The following ZNF475 variants were observed in gnomAD, a reference collection of about 807,000 sequenced individuals.
ZNF475 encodes the protein zinc finger protein 475.
At chr5:122,172,397 G>A in the ZNF475 span, among the ~76,000 whole-genome samples, 2 of 152,138 alleles carry the variant, frequency 1.3e-5, no homozygotes, top group African/African-American at 4.8e-5. Context: ...AGTGCCAAAT[G>A]GCCCCTTTAA....
the ZNF475 span, among the ~76,000 whole-genome samples, chr5:122,177,093 A>AGTGT: frequency 1.3e-5 from 2 of 151,858 alleles, no homozygotes; most frequent in African/African-American, 2.4e-5. Flanking sequence ...AAGCCTAGAT[A>AGTGT]GTGTGTTAAC....
At chr5:122,165,494 G>C in the ZNF475 span, among the ~76,000 whole-genome samples, 1 of 152,120 alleles carries the variant, frequency 6.6e-6, no homozygotes, top group Non-Finnish European at 1.5e-5. Context: ...GTTGTGACTT[G>C]TGTTATTACA....
the ZNF475 span, among the ~76,000 whole-genome samples, chr5:122,165,666 A>C: frequency 2.0e-5 from 3 of 152,078 alleles, no homozygotes; most frequent in Non-Finnish European, 4.4e-5. Context: ...TAGGTTAATG[A>C]ATAACCTCAA....
the ZNF475 span, chr5:122,160,295 C>T: frequency 7.8e-7 from 1 of 1,288,392 alleles, no homozygotes; most frequent in Non-Finnish European, 1.0e-6. Flanking sequence ...ACATTGTTGG[C>T]TCCAGAAGGC....
At chr5:122,163,418 GTTTTAGCCTT>G in the ZNF475 span, 1 of 152,154 alleles carries the variant, frequency 6.6e-6, no homozygotes. Context: ...TATAAAAGAG[GTTTTAGCCTT>G]TTTCACCAAG....
the ZNF475 span, among the ~76,000 whole-genome samples, chr5:122,161,364 A>G: frequency 6.6e-6 from 1 of 152,258 alleles, no homozygotes; most frequent in African/African-American, 2.4e-5. Flanking sequence ...AAGTGGGAAC[A>G]TAAAGGTATC....
the ZNF475 span, among the ~76,000 whole-genome samples, chr5:122,168,137 C>G: frequency 3.9e-5 from 6 of 152,290 alleles, no homozygotes; most frequent in East Asian, 1.2e-3. Flanking sequence ...CTCTGCCTCC[C>G]AGGTTCAAGC....
chr5:122,160,207 T>G, the ZNF475 span: 1 of 1,289,618 alleles, frequency 7.8e-7, no homozygotes, highest in East Asian at 5.6e-5. Flanking sequence ...TGCCTGCATA[T>G]CAGGGCAGCA....
chr5:122,165,563 G>T, the ZNF475 span, among the ~76,000 whole-genome samples: 1 of 152,082 alleles, frequency 6.6e-6, no homozygotes, highest in Non-Finnish European at 1.5e-5. Flanking sequence ...GCCTTTTTCT[G>T]ATTTGCTCCA....
chr5:122,180,414 A>T, the ZNF475 span, among the ~76,000 whole-genome samples: 8 of 152,262 alleles, frequency 5.3e-5, no homozygotes, highest in African/African-American at 1.4e-4. Flanking sequence ...AATTTTTCAC[A>T]TTTAATCATT....
chr5:122,162,022 A>C, the ZNF475 span, among the ~76,000 whole-genome samples: 2 of 152,036 alleles, frequency 1.3e-5, no homozygotes, highest in Non-Finnish European at 2.9e-5. Flanking sequence ...TTCCTTTCAG[A>C]AACCTAGACC....
the ZNF475 span, among the ~76,000 whole-genome samples, chr5:122,167,421 C>T: frequency 7.2e-5 from 11 of 152,026 alleles, no homozygotes; most frequent in Non-Finnish European, 2.9e-5. Flanking sequence ...TGGTTATATG[C>T]TTTGTTTTTT....
At chr5:122,161,741 C>T in the ZNF475 span, among the ~76,000 whole-genome samples, 1 of 152,152 alleles carries the variant, frequency 6.6e-6, no homozygotes, top group Non-Finnish European at 1.5e-5. Context: ...CCTTGTTTCT[C>T]CATTTTACTC....
chr5:122,174,505 T>C, the ZNF475 span, among the ~76,000 whole-genome samples: 5 of 152,178 alleles, frequency 3.3e-5, no homozygotes, highest in Admixed American at 3.3e-4. Context: ...GAATATGGAG[T>C]ATATTGCAGG....
the ZNF475 span, chr5:122,163,395 A>T: frequency 6.6e-6 from 1 of 152,232 alleles, no homozygotes; most frequent in Non-Finnish European, 1.5e-5. Context: ...ATATTGCAAC[A>T]TACACAAGGA....
the ZNF475 span, among the ~76,000 whole-genome samples, chr5:122,171,956 G>T: frequency 1.3e-5 from 2 of 151,970 alleles, no homozygotes; most frequent in African/African-American, 4.8e-5. Context: ...TCAGGCTCAG[G>T]CTGGTCTCAA....
At chr5:122,170,052 T>C in the ZNF475 span, among the ~76,000 whole-genome samples, 1 of 152,222 alleles carries the variant, frequency 6.6e-6, no homozygotes, top group South Asian at 2.1e-4. Context: ...ATCATACAAG[T>C]ATTTAACTGA....
chr5:122,172,461 C>A, the ZNF475 span, among the ~76,000 whole-genome samples: 1 of 152,180 alleles, frequency 6.6e-6, no homozygotes, highest in South Asian at 2.1e-4. Context: ...GGCCCAATAG[C>A]TCACTTCCTG....
chr5:122,175,381 C>G, the ZNF475 span, among the ~76,000 whole-genome samples: 1 of 152,186 alleles, frequency 6.6e-6, no homozygotes, highest in Non-Finnish European at 1.5e-5. Context: ...ACCACACAAT[C>G]AGCTTAATTT....
Sources: allele counts gnomAD v4.1 joint callset (sites outside exome capture counted in the v4.1 genomes callset), GRCh38; gene constraint gnomAD v4.1.1; transcripts MANE v1.5; gene names NCBI Gene and HGNC (gene_info 2026-07-23, HGNC 2026-07-21).